FBLN2: variants seen among roughly 807,000 people sequenced by gnomAD.
FBLN2 encodes fibulin 2, also known as fibulin-2.
A neutral mutation model predicts 123.7 loss-of-function variants in FBLN2; 81 were observed. The ratio of observed to expected loss-of-function variants is 0.65; its 90% confidence interval spans 0.55 to 0.79. The LOEUF is 0.79. Among genes scored for constraint, FBLN2 ranks in the 30% least tolerant of loss-of-function variants. The probability of loss-of-function intolerance (pLI) is 0.00; values close to 1 mark genes in which losing one functional copy is unlikely to be tolerated. For missense variants in FBLN2, 1,603 were observed against 1,681.3 expected (o/e 0.95, Z 0.81); for synonymous variants, 699 against 701.4 (o/e 1.00, Z 0.05).
chr3:13,614,243 C>G, intron 5 of FBLN2, 79 bp downstream of exon 5: 1 of 1,377,842 alleles, frequency 7.3e-7, no homozygotes, highest in Middle Eastern at 1.9e-4. Flanking sequence ...GACCCTGGGT[C>G]CATCATCACC....
intron 1 of FBLN2, among the ~76,000 whole-genome samples, chr3:13,562,226 C>G (rs1415471027): frequency 6.6e-6 from 1 of 152,172 alleles, no homozygotes; most frequent in African/African-American, 2.4e-5. Flanking sequence ...CCCTTATTTC[C>G]TGTCCATCTT....
At chr3:13,557,679 C>T (rs1235289992) in intron 1 of FBLN2, among the ~76,000 whole-genome samples, 1 of 152,238 alleles carries the variant, frequency 6.6e-6, no homozygotes, top group Non-Finnish European at 1.5e-5. Flanking sequence ...TGTGACTGCT[C>T]TGACCTGTCA....
intron 2 of FBLN2, among the ~76,000 whole-genome samples, chr3:13,583,168 C>T (rs1326521644): frequency 6.6e-6 from 1 of 152,274 alleles, no homozygotes; most frequent in African/African-American, 2.4e-5. Context: ...GGGCACCCTC[C>T]TCTACTGAGT....
chr3:13,616,869 G>T (rs1245882165), intron 5 of FBLN2, among the ~76,000 whole-genome samples: 1 of 152,196 alleles, frequency 6.6e-6, no homozygotes, highest in African/African-American at 2.4e-5. Flanking sequence ...GCCTAGTGCT[G>T]CCCAAGTTGA....
intron 1 of FBLN2, among the ~76,000 whole-genome samples, chr3:13,555,157 G>A (rs1245289788): frequency 2.7e-4 from 41 of 151,824 alleles, no homozygotes; most frequent in Middle Eastern, 3.4e-3. Flanking sequence ...TCACCATGTT[G>A]GCCAGGCTGG....
chr3:13,599,927 G>C (rs1312487075), intron 2 of FBLN2, among the ~76,000 whole-genome samples: 1 of 151,062 alleles, frequency 6.6e-6, no homozygotes, highest in Non-Finnish European at 1.5e-5. Context: ...TTAGAGATGA[G>C]ATCAGCCAGG....
chr3:13,629,121 G>A lies in FBLN2; in HGVS notation c.2714-43G>A, dbSNP rs774561189. On this transcript the variant is annotated intron_variant, in intron 12 of 17. Coordinates refer to ENST00000404922, the MANE Select transcript of FBLN2 (RefSeq NM_001004019.2). Reference sequence around the variant, plus strand: ...TCCCCACCCCTGGGAGGTGTGTGTGGAGGGAGCCCCAGGCCTCAAGGTACC... The same window carrying A: ...TCCCCACCCCTGGGAGGTGTGTGTGAAGGGAGCCCCAGGCCTCAAGGTACC... 4 of 1,612,622 alleles carry A rather than the reference G, an allele frequency of 2.5e-6. No homozygotes were observed. In the Admixed American group the frequency reaches 6.7e-5, roughly 27 times the overall value.
In FBLN2 at chr3:13,630,593, A is replaced by T. The variant is rs536725713; in HGVS notation, c.2969-106A>T. On this transcript the variant is annotated intron_variant, in intron 14 of 17. Coordinates refer to ENST00000404922, the MANE Select transcript of FBLN2 (RefSeq NM_001004019.2). The stretch of plus-strand genomic sequence containing the variant: ...GCTGGCCCTCGCATAGGTCAACCCC[A>T]GTCCAGGCCGGGGAGCTTGGTGGGC... 7.2e-5 allele frequency: 65 copies of T among 904,742 alleles called. No homozygotes were observed. The African/African-American group carries it at 8.5e-4, about 12-fold the overall frequency. 56.0% of individuals were successfully genotyped at this position (904,742 alleles called of 1,614,324 possible).
At chr3:13,578,907 T>C (rs530847460) in intron 2 of FBLN2, among the ~76,000 whole-genome samples, 61 of 151,862 alleles carry the variant, frequency 4.0e-4, no homozygotes, top group African/African-American at 1.4e-3. Flanking sequence ...ATAAAAAAAT[T>C]AGCCGGGTGT....
At chr3:13,573,886 G>A (rs79421965) in intron 2 of FBLN2, among the ~76,000 whole-genome samples, 2 of 125,848 alleles carry the variant, frequency 1.6e-5, no homozygotes, top group African/African-American at 6.3e-5. Flanking sequence ...GGCGACAAGA[G>A]TGAAACTCAA....
At chr3:13,581,222 T>TGGGGGGGGGGGGGGGGGGGGGGG (rs138166929) in intron 2 of FBLN2, among the ~76,000 whole-genome samples, 3 of 42,280 alleles carry the variant, frequency 7.1e-5, no homozygotes, top group South Asian at 8.7e-4. Context: ...AGGTGGGGGG[T>TGGGGGGGGGGGGGGGGGGGGGGG]GGGGGGGAGG....
chr3:13,626,909 A>G (rs374845874), intron 10 of FBLN2, among the ~76,000 whole-genome samples: 75 of 152,124 alleles, frequency 4.9e-4, no homozygotes, highest in Non-Finnish European at 8.5e-4. Flanking sequence ...GAGCCCACAG[A>G]GGGTTCACTC....
At chr3:13,624,311 G>A (rs1176847467) in intron 9 of FBLN2, among the ~76,000 whole-genome samples, 1 of 152,206 alleles carries the variant, frequency 6.6e-6, no homozygotes, top group African/African-American at 2.4e-5. Context: ...CCTGACCCTG[G>A]TGAGCCTCCG....
At chr3:13,629,974 G>A in intron 14 of FBLN2, 29 bp downstream of exon 14, 1 of 1,607,482 alleles carries the variant, frequency 6.2e-7, no homozygotes, top group Non-Finnish European at 8.5e-7. Flanking sequence ...CTGACCCTAT[G>A]CCGCCTGGTA....
chr3:13,624,655 A>G (rs2124901502), intron 9 of FBLN2, among the ~76,000 whole-genome samples: 1 of 151,758 alleles, frequency 6.6e-6, no homozygotes, highest in Non-Finnish European at 1.5e-5. Context: ...GAATGTCACC[A>G]CTCCTGAGAA....
In FBLN2 at chr3:13,628,892, C is replaced by T. The variant is rs1706143935; in HGVS notation, c.2570-13C>T. ...CATGCCGGGCTCCCTGTCACCTACA[C>T]CTGCCTCTGCAGACATCAACGAGTG... On this transcript the variant is annotated splice_polypyrimidine_tract_variant and intron_variant, in intron 11 of 17. Coordinates refer to ENST00000404922, the MANE Select transcript of FBLN2 (RefSeq NM_001004019.2). 1 of 1,610,616 alleles carries T rather than the reference C, an allele frequency of 6.2e-7. No homozygotes were observed. The highest frequency in any genetic ancestry group is 2.2e-5 in the East Asian group (1 of 44,752).
At chr3:13,605,625 C>T (rs1021727656) in intron 2 of FBLN2, among the ~76,000 whole-genome samples, 13 of 152,124 alleles carry the variant, frequency 8.5e-5, no homozygotes, top group East Asian at 1.9e-4. Context: ...CCAGGCTGTC[C>T]GCAACCCCTT....
intron 1 of FBLN2, among the ~76,000 whole-genome samples, chr3:13,565,030 G>A (rs12633274): frequency 2.0e-5 from 3 of 152,158 alleles, no homozygotes; most frequent in Non-Finnish European, 2.9e-5. Context: ...GCCTGCCCCA[G>A]GTGCCTTGTG....
intron 2 of FBLN2, among the ~76,000 whole-genome samples, chr3:13,580,969 A>T (rs1479219421): frequency 6.6e-6 from 1 of 152,238 alleles, no homozygotes; most frequent in Non-Finnish European, 1.5e-5. Flanking sequence ...GGCCTCAGCC[A>T]GGATGGCTCA....
Sources: gnomAD v4.1 joint callset for allele counts (sites outside exome capture counted in the v4.1 genomes callset) on GRCh38, gnomAD v4.1.1 for gene constraint, MANE v1.5 for transcripts, NCBI Gene and HGNC (gene_info 2026-07-23, HGNC 2026-07-21) for gene names.